ABCC2: variants seen among roughly 807,000 people sequenced by gnomAD.
ABCC2 encodes the protein ATP binding cassette subfamily C member 2, also known as ATP-binding cassette sub-family C member 2.
Under a neutral mutation model 173.4 loss-of-function variants are expected in ABCC2, and 157 were observed. The observed-to-expected ratio is 0.91, with a 90% confidence interval of 0.80 to 1.03. The LOEUF (loss-of-function observed/expected upper bound fraction) is 1.03, where lower values mean the gene tolerates loss of function less well. Among genes scored for constraint, ABCC2 ranks in the 50% least tolerant of loss-of-function variants. The probability of loss-of-function intolerance (pLI) is 0.00; values close to 1 mark genes in which losing one functional copy is unlikely to be tolerated. For synonymous variants in ABCC2, 657 were observed against 693.5 expected, an observed-to-expected ratio of 0.95 and a Z score of 0.83; for missense variants, 1,822 against 1,852.3, an observed-to-expected ratio of 0.98 and a Z score of 0.30.
chr10:99,841,416 G>A (rs2038941890), intron 25 of ABCC2, among the ~76,000 whole-genome samples: 1 of 152,124 alleles, frequency 6.6e-6, no homozygotes, highest in African/African-American at 2.4e-5. Flanking sequence ...TTAGCTGGGT[G>A]TAGTGGTGTG....
chr10:99,814,548 TATGTGTATATACACATATACACACACA>T (rs2038336453), intron 16 of ABCC2, among the ~76,000 whole-genome samples: 3 of 114,428 alleles, frequency 2.6e-5, no homozygotes, highest in Admixed American at 8.6e-5. Flanking sequence ...TACACACACA[TATGTGTATATACACATATACACACACA>T]TATGTGTATA....
chr10:99,787,461 G>GTTTT (rs2037735902), intron 2 of ABCC2, among the ~76,000 whole-genome samples: 7 of 150,084 alleles, frequency 4.7e-5, no homozygotes, highest in Non-Finnish European at 4.4e-5. Context: ...CTTTTTTTGG[G>GTTTT]GGGACGGAGT....
At chr10:99,791,656 A>G (rs2037813345) in intron 2 of ABCC2, among the ~76,000 whole-genome samples, 2 of 152,202 alleles carry the variant, frequency 1.3e-5, no homozygotes, top group South Asian at 4.1e-4. Flanking sequence ...GACTGGGGCT[A>G]AAAGATCTGC....
Position 99,851,515 on chromosome 10 carries a change from G to A in ABCC2, c.4522G>A (p.Asp1508Asn). The A allele has an allele frequency of 6.2e-7, 1 of 1,614,044 alleles. No homozygotes were observed. Among genetic ancestry groups the A allele is most frequent in the Non-Finnish European group, 8.5e-7 (1 of 1,180,014 alleles). ...TCCTTGTTTCAGGGTAATGGTCCTA[G>A]ACAACGGGAAGATTATAGAGTGCGG... ...IMDSDKVMVL[D>N]NGKIIECGSP... Residue 1508 changes from aspartate (D) to asparagine (N), a missense_variant, in exon 32 of 32, where the codon GAC becomes AAC. Coordinates refer to ENST00000647814, the MANE Select transcript of ABCC2 (RefSeq NM_000392.5).
intron 6 of ABCC2, among the ~76,000 whole-genome samples, chr10:99,795,191 T>G (rs2037878638): frequency 6.6e-6 from 1 of 152,176 alleles, no homozygotes; most frequent in African/African-American, 2.4e-5. Flanking sequence ...TCTCAGGAAG[T>G]GTTTTAAATG....
Position 99,792,239 on chromosome 10 carries a change from C to A in ABCC2, c.213C>A (p.Phe71Leu). ...TGGTCTTTTTCCCTTCTCAGGTATTCGTTGGTTTTCTTCTTATTCTAGCAG... is the reference window on the plus strand; with the variant it reads ...TGGTCTTTTTCCCTTCTCAGGTATTAGTTGGTTTTCTTCTTATTCTAGCAG... The part of the protein sequence containing the change: ...TTKLYLAKQV[F>L]VGFLLILAAI... The change falls in exon 3 of 32, where the codon TTC becomes TTA. Residue 71 changes from phenylalanine (F) to leucine (L), a missense_variant. Physicochemically the swap from Phe to Leu is conservative, Grantham distance 22. Coordinates refer to ENST00000647814, the MANE Select transcript of ABCC2 (RefSeq NM_000392.5). The A allele has an allele frequency of 1.2e-6, 2 of 1,613,928 alleles. No homozygotes were observed. The highest frequency in any genetic ancestry group is 1.1e-5 in the South Asian group (1 of 91,076).
At chr10:99,794,640 G>A in intron 6 of ABCC2, 172 bp downstream of exon 6, 1 of 610,982 alleles carries the variant, frequency 1.6e-6, no homozygotes, top group South Asian at 1.9e-5. Context: ...CACCTCCTGG[G>A]TTCAAGTGAT....
Position 99,814,167 on chromosome 10 carries a change from A to G in ABCC2, c.2094+1023A>G, listed in dbSNP as rs375677645. 3.3e-3 allele frequency among the ~76,000 whole-genome samples: 112 copies of G among 33,852 alleles called. 13 individuals carry two copies. The highest frequency in any genetic ancestry group is 5.9e-3 in the African/African-American group (55 of 9,338). The allele number at this position is 33,852 out of a possible 152,430, so 22.2% of individuals were successfully genotyped here. Reference sequence around the variant, plus strand: ...CACACATGTATGTATACACACGTATATATACACACATGTATGTATACACAC... The same window carrying G: ...CACACATGTATGTATACACACGTATGTATACACACATGTATGTATACACAC... On this transcript the variant is annotated intron_variant, in intron 16 of 31. Coordinates refer to ENST00000647814, the MANE Select transcript of ABCC2 (RefSeq NM_000392.5).
At chr10:99,817,279 G>T (rs1306719090) in intron 16 of ABCC2, 29 bp from the exon 17 acceptor site, 1 of 1,613,332 alleles carries the variant, frequency 6.2e-7, no homozygotes, top group Admixed American at 1.7e-5. Flanking sequence ...AGGTGCAGCT[G>T]TAACATGATC....
rs753889614 is a variant in ABCC2 at position 99,831,788 on chromosome 10, G to A, written c.3061G>A (p.Asp1021Asn). The A allele has an allele frequency of 1.3e-5, 21 of 1,614,060 alleles. No individual in the cohort carries two copies. Among genetic ancestry groups the A allele is most frequent in the Middle Eastern group, 3.3e-4 (2 of 6,084 alleles). ...CACCGACTATCCAGCATCTCAGAGG[G>A]ACATGAGAGTTGGAGTCTACGGAGC... The part of the protein sequence containing the change: ...NSTDYPASQR[D>N]MRVGVYGALG... Residue 1021 changes from aspartate (D) to asparagine (N), a missense_variant, in exon 22 of 32, where the codon GAC (aspartate) becomes AAC (asparagine). By Grantham distance (23) the Asp-to-Asn change is conservative. Coordinates refer to ENST00000647814, the MANE Select transcript of ABCC2 (RefSeq NM_000392.5).
At chr10:99,841,123 C>T (rs1590190078) in intron 25 of ABCC2, among the ~76,000 whole-genome samples, 3 of 152,196 alleles carry the variant, frequency 2.0e-5, no homozygotes, top group Non-Finnish European at 2.9e-5. Context: ...TCTTCTTCCC[C>T]TTTTACAAAT....
At chr10:99,811,420 C>G in intron 14 of ABCC2, 116 bp from the exon 15 acceptor site, 1 of 1,021,588 alleles carries the variant, frequency 9.8e-7, no homozygotes, top group Non-Finnish European at 1.5e-6. Context: ...AGCGTAGGAG[C>G]CAGCACTTAG....
At chr10:99,822,866 A>AT (rs1349153773) in intron 19 of ABCC2, among the ~76,000 whole-genome samples, 1 of 152,004 alleles carries the variant, frequency 6.6e-6, no homozygotes, top group East Asian at 1.9e-4. Flanking sequence ...TGTATGTGAA[A>AT]TTTTCCACTG....
chr10:99,814,633 G>A lies in ABCC2; in HGVS notation c.2094+1489G>A, dbSNP rs368148055. On this transcript the variant is annotated intron_variant, in intron 16 of 31. Transcript: ENST00000647814. ...TGTATATACACATATACACACATAT[G>A]TGTATATACACATATACACACACAT... Among the ~76,000 whole-genome samples the A allele has an allele frequency of 1.3e-4, 15 of 114,770 alleles. 1 individual carries two copies. The highest frequency in any genetic ancestry group is 2.8e-4 in the African/African-American group (7 of 25,098). The allele number at this position is 114,770 out of a possible 152,430, so 75.3% of individuals were successfully genotyped here.
chr10:99,794,356 T>G, intron 5 of ABCC2, 57 bp from the exon 6 acceptor site: 8 of 1,438,704 alleles, frequency 5.6e-6, no homozygotes, highest in Non-Finnish European at 7.8e-6. Context: ...GATTTTAGAG[T>G]CCCATGAAGT....
intron 23 of ABCC2, among the ~76,000 whole-genome samples, chr10:99,833,895 T>G (rs1328174595): frequency 6.6e-6 from 1 of 152,228 alleles, no homozygotes. Context: ...TTTTTCTTAT[T>G]TGTTCATTTA....
Position 99,851,503 on chromosome 10 carries a change from G to C in ABCC2, c.4510G>C (p.Val1504Leu), listed in dbSNP as rs1382237404. The C allele has an allele frequency of 6.2e-7, 1 of 1,613,872 alleles. No individual in the cohort carries two copies. Among genetic ancestry groups the C allele is most frequent in the African/African-American group, 1.3e-5 (1 of 74,872 alleles). Residue 1504 changes from valine (V) to leucine (L), a missense_variant and splice_region_variant, in exon 32 of 32, where the codon GTA becomes CTA. By Grantham distance (32) the Val-to-Leu change is conservative (BLOSUM62 1). Coordinates refer to ENST00000647814, the MANE Select transcript of ABCC2 (RefSeq NM_000392.5). ...RLHTIMDSDK[V>L]MVLDNGKIIE... ...TTATTTCTTTCTTCCTTGTTTCAGG[G>C]TAATGGTCCTAGACAACGGGAAGAT... is the stretch of plus-strand genomic sequence containing the variant.
chr10:99,793,904 A>C lies in ABCC2; in HGVS notation c.481A>C (p.Asn161His), dbSNP rs1166837675. The C allele has an allele frequency of 6.8e-6, 11 of 1,613,550 alleles. No homozygotes were observed. Among genetic ancestry groups the C allele is most frequent in the Non-Finnish European group, 7.6e-6 (9 of 1,179,636 alleles). Reference protein sequence around the residue: ...IRTLLQGDNSNLAYSCLFFIS... With the variant: ...IRTLLQGDNSHLAYSCLFFIS... ...TTTTTCCTCATAGGGTGACAATTCTAATCTAGCCTACTCCTGCCTGTTCTT... is the reference window on the plus strand; with the variant it reads ...TTTTTCCTCATAGGGTGACAATTCTCATCTAGCCTACTCCTGCCTGTTCTT... The change falls in exon 5 of 32, where the codon AAT (asparagine) becomes CAT (histidine). Residue 161 changes from asparagine to histidine, a missense_variant. Transcript: ENST00000647814.
chr10:99,841,964 C>T lies in ABCC2; in HGVS notation c.3615-3C>T, dbSNP rs1455303773. 1.9e-6 allele frequency: 3 copies of T among 1,614,156 alleles called. No individual in the cohort carries two copies. ...CGCACTCTCTGGTTCTGTTGCCCCA[C>T]AGGTGGCTTGCAATTCGCCTGGAGC... On this transcript the variant is annotated splice_region_variant and splice_polypyrimidine_tract_variant and intron_variant, in intron 25 of 31. Coordinates refer to ENST00000647814, the MANE Select transcript of ABCC2 (RefSeq NM_000392.5).
Sources: gnomAD v4.1 joint callset for allele counts (sites outside exome capture counted in the v4.1 genomes callset) on GRCh38, gnomAD v4.1.1 for gene constraint, MANE v1.5 for transcripts, NCBI Gene and HGNC (gene_info 2026-07-23, HGNC 2026-07-21) for gene names.